The following RALGAPA1 variants were observed in gnomAD, a reference collection of about 807,000 sequenced individuals.
RALGAPA1 encodes the protein Ral GTPase activating protein catalytic subunit alpha 1, also known as ral GTPase-activating protein subunit alpha-1.
A neutral mutation model predicts 269.6 loss-of-function variants in RALGAPA1; 52 were observed. The observed-to-expected ratio is 0.19, with a 90% CI of 0.15 to 0.24. The LOEUF (loss-of-function observed/expected upper bound fraction) is 0.24, where lower values mean the gene tolerates loss of function less well. Among genes scored for constraint, RALGAPA1 ranks in the 10% least tolerant of loss-of-function variants. The probability of loss-of-function intolerance (pLI) is 1.00; values close to 1 mark genes in which losing one functional copy is unlikely to be tolerated. For missense variants in RALGAPA1, 1,917 were observed against 3,013.9 expected, an observed-to-expected ratio of 0.64 and a Z score of 8.52; for synonymous variants, 817 against 1,008.3, an observed-to-expected ratio of 0.81 and a Z score of 3.60.
chr14:35,786,805 T>C (rs890939839), intron 1 of RALGAPA1, among the ~76,000 whole-genome samples: 1 of 152,200 alleles, frequency 6.6e-6, no homozygotes, highest in Admixed American at 6.5e-5. Context: ...TGCATTCATG[T>C]CTGTGCTCTT....
chr14:35,786,398 G>A (rs1339048336), intron 1 of RALGAPA1, among the ~76,000 whole-genome samples: 3 of 152,044 alleles, frequency 2.0e-5, no homozygotes, highest in Non-Finnish European at 4.4e-5. Context: ...CCAGTATTTT[G>A]GGAGGCTGAG....
chr14:35,694,091 TA>T (rs1021692429), intron 17 of RALGAPA1, among the ~76,000 whole-genome samples: 53 of 145,400 alleles, frequency 3.6e-4, no homozygotes, highest in Non-Finnish European at 4.4e-4. Context: ...AAGCTCGCCT[TA>T]AAAAAAAAAA....
intron 5 of RALGAPA1, 81 bp from the exon 6 acceptor site, chr14:35,761,087 G>C: frequency 9.7e-7 from 1 of 1,030,064 alleles, no homozygotes; most frequent in Non-Finnish European, 1.4e-6. Flanking sequence ...TTCTCTAGAT[G>C]ATGACAACAG....
chr14:35,636,459 T>A (rs1594913901), intron 31 of RALGAPA1, among the ~76,000 whole-genome samples: 1 of 152,234 alleles, frequency 6.6e-6, no homozygotes, highest in East Asian at 1.9e-4. Flanking sequence ...CAATAAAACC[T>A]CACAAAACAA....
At chr14:35,576,218 C>T (rs1224605243) in intron 37 of RALGAPA1, among the ~76,000 whole-genome samples, 2 of 152,170 alleles carry the variant, frequency 1.3e-5, no homozygotes, top group Non-Finnish European at 2.9e-5. Context: ...TACAGCAAAC[C>T]CACAGTGGGG....
At chr14:35,782,690 C>T (rs1167740027) in intron 1 of RALGAPA1, among the ~76,000 whole-genome samples, 1 of 152,014 alleles carries the variant, frequency 6.6e-6, no homozygotes, top group East Asian at 1.9e-4. Context: ...TCCCAAAGTG[C>T]TGGGATTACA....
intron 35 of RALGAPA1, among the ~76,000 whole-genome samples, chr14:35,616,399 C>G (rs900110683): frequency 1.3e-5 from 2 of 151,910 alleles, no homozygotes; most frequent in Non-Finnish European, 2.9e-5. Context: ...TTAAAATGAT[C>G]AGAGAGAATT....
intron 41 of RALGAPA1, chr14:35,542,002 T>A: frequency 8.0e-7 from 1 of 1,249,560 alleles, no homozygotes; most frequent in Non-Finnish European, 1.0e-6. Context: ...TGACAATGCT[T>A]TGTAAATTCA....
At chr14:35,573,064 T>A (rs2057327386) in intron 37 of RALGAPA1, among the ~76,000 whole-genome samples, 1 of 152,194 alleles carries the variant, frequency 6.6e-6, no homozygotes, top group Non-Finnish European at 1.5e-5. Flanking sequence ...AATTGGATAA[T>A]CCCCAGTTGA....
At chr14:35,710,096 T>C (rs1422653812) in intron 16 of RALGAPA1, among the ~76,000 whole-genome samples, 1 of 152,214 alleles carries the variant, frequency 6.6e-6, no homozygotes, top group Non-Finnish European at 1.5e-5. Context: ...ATTTTCTGCC[T>C]GCTGGATCTG....
intron 24 of RALGAPA1, among the ~76,000 whole-genome samples, chr14:35,673,358 C>A (rs2064651230): frequency 1.3e-5 from 2 of 152,236 alleles, no homozygotes; most frequent in South Asian, 4.1e-4. Flanking sequence ...GAGTTTGAGA[C>A]CAGCCTGGGC....
At chr14:35,638,617 T>C (rs1160535166) in intron 31 of RALGAPA1, among the ~76,000 whole-genome samples, 1 of 152,020 alleles carries the variant, frequency 6.6e-6, no homozygotes, top group Non-Finnish European at 1.5e-5. Flanking sequence ...AAGGAGTAAG[T>C]ACCTACTTAT....
intron 1 of RALGAPA1, among the ~76,000 whole-genome samples, chr14:35,800,297 C>T (rs534873024): frequency 7.2e-5 from 11 of 152,320 alleles, no homozygotes; most frequent in African/African-American, 2.6e-4. Flanking sequence ...ATATTCCTTT[C>T]AAGTGCATAC....
intron 35 of RALGAPA1, among the ~76,000 whole-genome samples, chr14:35,621,219 C>T (rs1367276603): frequency 6.6e-6 from 1 of 152,104 alleles, no homozygotes; most frequent in Admixed American, 6.6e-5. Context: ...ACATCTACGA[C>T]CATCTAATCT....
chr14:35,684,321 G>A (rs868060504), intron 20 of RALGAPA1, among the ~76,000 whole-genome samples: 41 of 152,256 alleles, frequency 2.7e-4, no homozygotes, highest in Middle Eastern at 6.8e-3. Context: ...TAACTAAGTG[G>A]TAATAATATA....
intron 1 of RALGAPA1, among the ~76,000 whole-genome samples, chr14:35,791,109 C>G (rs1567236675): frequency 6.6e-6 from 1 of 152,050 alleles, no homozygotes. Context: ...CACCCCAAAA[C>G]AAGAAGAATT....
In RALGAPA1 at chr14:35,677,996, G is replaced by C; in HGVS notation, c.4578C>G (p.Leu1526=). Residue 1526 remains leucine (L), a synonymous_variant, in exon 22 of 42, where the codon CTC becomes CTG. Transcript: ENST00000680220. The stretch of plus-strand genomic sequence containing the variant: ...GAACAGAGTGGTGGAGCTTCTCGTC[G>C]AGCTGCAGATCCTTCTGTTCCATGT... The part of the protein sequence containing the change: ...IDHMEQKDLQ[L]DEKLHHSVLQ... The C allele has an allele frequency of 6.2e-7, 1 of 1,613,532 alleles. No individual in the cohort carries two copies.
rs2055965145 is a variant in RALGAPA1 at position 35,559,529 on chromosome 14, G to GCTCAGTACTGCTTTATC, written c.7497-10296_7497-10295insGATAAAGCAGTACTGAG. ...AAAAAATCCCTATTCCAGCACAGGT[G>GCTCAGTACTGCTTTATC]AGAAGTTGATAAAGATAGAAGCAAA... On this transcript the variant is annotated intron_variant, in intron 39 of 41. Coordinates refer to ENST00000680220, the MANE Select transcript of RALGAPA1 (RefSeq NM_001346249.2). 3.3e-5 allele frequency among the ~76,000 whole-genome samples: 5 copies of GCTCAGTACTGCTTTATC among 152,210 alleles called. No homozygotes were observed. In the South Asian group the frequency reaches 1.0e-3, roughly 32 times the overall value.
chr14:35,629,846 T>C (rs955201057), intron 33 of RALGAPA1, among the ~76,000 whole-genome samples: 1 of 152,220 alleles, frequency 6.6e-6, no homozygotes, highest in African/African-American at 2.4e-5. Flanking sequence ...CCCAATTTTA[T>C]GTGTTTAGTT....
Sources: allele counts gnomAD v4.1 joint callset (sites outside exome capture counted in the v4.1 genomes callset), GRCh38; gene constraint gnomAD v4.1.1; transcripts MANE v1.5; gene names NCBI Gene and HGNC (gene_info 2026-07-23, HGNC 2026-07-21).